Variants in TBC1D32 observed in about 807,000 individuals in gnomAD.
TBC1D32 encodes the protein protein broad-minded.
TBC1D32 carries 151 observed loss-of-function variants against 170.3 expected under a neutral mutation model. The observed-to-expected ratio is 0.89, with a 90% CI of 0.78 to 1.01. The LOEUF (loss-of-function observed/expected upper bound fraction) is 1.01. TBC1D32 is among the 50% of genes least tolerant of loss of function. The probability of loss-of-function intolerance (pLI) is 0.00; values close to 1 mark genes in which losing one functional copy is unlikely to be tolerated. For synonymous variants in TBC1D32, 498 were observed against 488.0 expected, an observed-to-expected ratio of 1.02 and a Z score of -0.27; for missense variants, 1,464 against 1,457.1, an observed-to-expected ratio of 1.00 and a Z score of -0.08.
At chr6:121,294,733 A>G in intron 10 of TBC1D32, 73 bp from the exon 11 acceptor site, 1 of 1,137,428 alleles carries the variant, frequency 8.8e-7, no homozygotes, top group Non-Finnish European at 1.3e-6. Flanking sequence ...AAATTAGTCA[A>G]AGCTGTAAAA....
At chr6:121,261,974 A>T (rs893876106) in intron 15 of TBC1D32, among the ~76,000 whole-genome samples, 14 of 152,142 alleles carry the variant, frequency 9.2e-5, no homozygotes, top group Non-Finnish European at 1.9e-4. Flanking sequence ...ACAACACGAA[A>T]ACTCTGTGAA....
chr6:121,127,801 C>T (rs1425919102), intron 25 of TBC1D32, among the ~76,000 whole-genome samples: 1 of 152,104 alleles, frequency 6.6e-6, no homozygotes, highest in Non-Finnish European at 1.5e-5. Flanking sequence ...AAAGGTTATA[C>T]AGAAAGACAC....
intron 9 of TBC1D32, among the ~76,000 whole-genome samples, chr6:121,301,722 G>C (rs1806510513): frequency 2.0e-5 from 3 of 152,122 alleles, no homozygotes; most frequent in East Asian, 1.9e-4. Context: ...ATATTAAACA[G>C]AATAATACAA....
chr6:121,290,921 T>G (rs1249978523), intron 12 of TBC1D32, among the ~76,000 whole-genome samples: 4 of 151,972 alleles, frequency 2.6e-5, no homozygotes, highest in Non-Finnish European at 4.4e-5. Flanking sequence ...AAACACCACA[T>G]GTTCTCACTC....
In TBC1D32 at chr6:121,334,451, A is replaced by C. The variant is rs1811619077; in HGVS notation, c.-21T>G. The C allele has an allele frequency of 1.9e-6, 3 of 1,606,008 alleles. No homozygotes were observed. In the Admixed American group the frequency reaches 5.1e-5, roughly 27 times the overall value. ...GCCATCCTGTTGGAATCAAACGTCC[A>C]CTCTCATTACTCCAGGTCCGAGCAA... On this transcript the variant is annotated 5_prime_UTR_variant, in exon 1 of 32. Transcript: ENST00000398212.
At chr6:121,244,198 A>G (rs1797331981) in intron 17 of TBC1D32, among the ~76,000 whole-genome samples, 1 of 151,826 alleles carries the variant, frequency 6.6e-6, no homozygotes, top group African/African-American at 2.4e-5. Flanking sequence ...TTATATAATA[A>G]ATAAATATAC....
intron 30 of TBC1D32, among the ~76,000 whole-genome samples, chr6:121,099,487 C>A (rs1388551481): frequency 6.6e-6 from 1 of 151,804 alleles, no homozygotes; most frequent in Non-Finnish European, 1.5e-5. Context: ...CTTTAGAGAT[C>A]TGTGTATTTC....
intron 20 of TBC1D32, among the ~76,000 whole-genome samples, chr6:121,231,997 C>G (rs1013240478): frequency 6.6e-6 from 1 of 152,058 alleles, no homozygotes; most frequent in Non-Finnish European, 1.5e-5. Context: ...TTTACCTAAG[C>G]TAATGTCTAG....
At chr6:121,291,553 G>A (rs1804874370) in intron 12 of TBC1D32, among the ~76,000 whole-genome samples, 1 of 152,030 alleles carries the variant, frequency 6.6e-6, no homozygotes, top group African/African-American at 2.4e-5. Flanking sequence ...AAGTTTGATG[G>A]GGAAAAAGTA....
chr6:121,310,656 G>C, intron 4 of TBC1D32, 123 bp downstream of exon 4: 1 of 682,720 alleles, frequency 1.5e-6, no homozygotes, highest in Admixed American at 2.9e-5. Flanking sequence ...TATCAGTCCA[G>C]GATTGCCCAT....
intron 24 of TBC1D32, among the ~76,000 whole-genome samples, chr6:121,143,202 G>T (rs942071283): frequency 6.6e-6 from 1 of 151,986 alleles, no homozygotes. Context: ...TGAATTTTTT[G>T]TGTGTGATGA....
intron 22 of TBC1D32, among the ~76,000 whole-genome samples, chr6:121,178,797 G>GT (rs1276320204): frequency 1.3e-5 from 2 of 152,190 alleles, no homozygotes; most frequent in Non-Finnish European, 2.9e-5. Context: ...ATAGACAGCT[G>GT]TAAGAAAGGA....
At chr6:121,191,266 A>T (rs1365650937) in intron 22 of TBC1D32, among the ~76,000 whole-genome samples, 1 of 152,204 alleles carries the variant, frequency 6.6e-6, no homozygotes, top group African/African-American at 2.4e-5. Context: ...CTAACATAAA[A>T]GTTTTCCTTC....
chr6:121,203,324 A>G (rs969836848), intron 22 of TBC1D32, among the ~76,000 whole-genome samples: 2 of 151,394 alleles, frequency 1.3e-5, no homozygotes, highest in Admixed American at 6.6e-5. Context: ...TGTAAGAAAA[A>G]CTTGTTAAAA....
chr6:121,103,595 G>A (rs956298467), intron 30 of TBC1D32, among the ~76,000 whole-genome samples: 1 of 102,016 alleles, frequency 9.8e-6, no homozygotes, highest in African/African-American at 3.8e-5. Flanking sequence ...AGGGAGGGGG[G>A]AGGGGGGAGG....
At position 121,312,109 on chromosome 6, in the gene TBC1D32, C is replaced by T. The variant is rs916549262; in HGVS notation, c.496-1262G>A. 1.8e-4 allele frequency among the ~76,000 whole-genome samples: 28 copies of T among 152,022 alleles called. 1 individual carries two copies. The highest frequency in any genetic ancestry group is 1.6e-3 in the Admixed American group (24 of 15,262). The stretch of plus-strand genomic sequence containing the variant: ...TGTCTTGGAACAAAAAACCAAACAC[C>T]GCATCTTCTCACTCATAAGTGGGAG... On this transcript the variant is annotated intron_variant, in intron 3 of 31. Coordinates refer to ENST00000398212, the MANE Select transcript of TBC1D32 (RefSeq NM_152730.6).
At chr6:121,275,237 T>C (rs906606492) in intron 15 of TBC1D32, among the ~76,000 whole-genome samples, 4 of 152,152 alleles carry the variant, frequency 2.6e-5, no homozygotes, top group African/African-American at 9.7e-5. Context: ...AGCCTTAAGC[T>C]AAAAGAAATT....
At chr6:121,187,990 T>C (rs565136818) in intron 22 of TBC1D32, among the ~76,000 whole-genome samples, 5 of 152,228 alleles carry the variant, frequency 3.3e-5, no homozygotes, top group South Asian at 4.1e-4. Flanking sequence ...GTACAATATA[T>C]GGGTTAGGCA....
chr6:121,084,100 C>G (rs1362847687), intron 31 of TBC1D32, among the ~76,000 whole-genome samples: 1 of 152,062 alleles, frequency 6.6e-6, no homozygotes, highest in Non-Finnish European at 1.5e-5. Flanking sequence ...GCTGTTTACC[C>G]CATCAAGGGT....
Sources: gnomAD v4.1 joint callset for allele counts (sites outside exome capture counted in the v4.1 genomes callset) on GRCh38, gnomAD v4.1.1 for gene constraint, MANE v1.5 for transcripts, NCBI Gene and HGNC (gene_info 2026-07-23, HGNC 2026-07-21) for gene names.